Variants in STK32B observed in about 807,000 individuals in gnomAD.
The protein encoded by STK32B is serine/threonine-protein kinase 32B.
In STK32B, 43 loss-of-function variants were observed where a neutral mutation model predicts 52.6. That is an observed-to-expected ratio of 0.82 (90% CI 0.64 to 1.05). STK32B has a LOEUF of 1.05. Ranked by LOEUF, STK32B falls within the 50% of genes least tolerant of loss-of-function variation. The pLI is 0.00. For synonymous variants in STK32B, 238 were observed against 204.3 expected (o/e 1.17, Z -1.41); for missense variants, 621 against 534.6 (o/e 1.16, Z -1.59).
chr4:5,345,015 TG>T (rs1370002748), intron 4 of STK32B, among the ~76,000 whole-genome samples: 4 of 151,516 alleles, frequency 2.6e-5, no homozygotes, highest in Non-Finnish European at 5.9e-5. Context: ...CACTCCAGCC[TG>T]GGTGACAGTT....
chr4:5,095,451 T>C (rs4689984), intron 1 of STK32B, among the ~76,000 whole-genome samples: 62,568 of 151,930 alleles, frequency 0.41, 13,090 homozygotes, highest in Middle Eastern at 0.47. Flanking sequence ...TCTGCCTCTA[T>C]TAAAACTATA....
intron 4 of STK32B, among the ~76,000 whole-genome samples, chr4:5,369,195 T>A (rs558989944): frequency 6.6e-6 from 1 of 151,890 alleles, no homozygotes; most frequent in South Asian, 2.1e-4. Flanking sequence ...ATTGGAGATA[T>A]GAGGCCCAGA....
intron 1 of STK32B, among the ~76,000 whole-genome samples, chr4:5,094,206 A>C (rs1392489541): frequency 6.6e-6 from 1 of 152,226 alleles, no homozygotes; most frequent in African/African-American, 2.4e-5. Flanking sequence ...AACTTAAAGC[A>C]AAAGGAAGGC....
chr4:5,147,136 G>T (rs1162529645), intron 2 of STK32B, among the ~76,000 whole-genome samples: 2 of 151,734 alleles, frequency 1.3e-5, no homozygotes, highest in African/African-American at 4.8e-5. Context: ...GCCCTTTTTT[G>T]CACTAATGTT....
chr4:5,050,611 C>T (rs575485838), upstream of STK32B, among the ~76,000 whole-genome samples: 1 of 152,180 alleles, frequency 6.6e-6, no homozygotes, highest in Admixed American at 6.5e-5. Context: ...TTCCAGGCGC[C>T]CAGCAGATGG....
At chr4:5,299,080 T>G (rs1030961047) in intron 3 of STK32B, among the ~76,000 whole-genome samples, 3 of 151,896 alleles carry the variant, frequency 2.0e-5, no homozygotes, top group African/African-American at 7.3e-5. Context: ...GCTTCCTGGG[T>G]GAGGCAACAT....
At chr4:5,382,815 C>T (rs1736016679) in intron 4 of STK32B, among the ~76,000 whole-genome samples, 1 of 152,174 alleles carries the variant, frequency 6.6e-6, no homozygotes, top group Non-Finnish European at 1.5e-5. Context: ...TCACAACAGC[C>T]GTTACAGACA....
At chr4:5,075,088 C>T (rs1165452633) in intron 1 of STK32B, among the ~76,000 whole-genome samples, 1 of 152,086 alleles carries the variant, frequency 6.6e-6, no homozygotes, top group Non-Finnish European at 1.5e-5. Context: ...TTCAGGGGAG[C>T]TTGTATGCAC....
At chr4:5,037,128 A>T in the STK32B span, among the ~76,000 whole-genome samples, 3 of 152,128 alleles carry the variant, frequency 2.0e-5, no homozygotes, top group African/African-American at 7.2e-5. Context: ...TGTCTAGTGC[A>T]CTGTAGGATG....
chr4:5,313,837 A>G (rs879640696), intron 3 of STK32B, among the ~76,000 whole-genome samples: 2 of 152,212 alleles, frequency 1.3e-5, no homozygotes, highest in Non-Finnish European at 2.9e-5. Context: ...TCCCATTTAC[A>G]GTCATTCCAT....
intron 1 of STK32B, among the ~76,000 whole-genome samples, chr4:5,069,698 C>G (rs146887696): frequency 4.6e-5 from 7 of 152,070 alleles, no homozygotes; most frequent in African/African-American, 1.7e-4. Flanking sequence ...AGTTAATGTA[C>G]GTAAAGTGCT....
In STK32B at chr4:5,321,124, C is replaced by G. The variant is rs141898528; in HGVS notation, c.261-10096C>G. ...GGTTGGAGCAAAGCTGAGTGCGACT[C>G]TAGGCAAGTTACTCAGCTTCTCTGA... is the stretch of plus-strand genomic sequence containing the variant. On this transcript the variant is annotated intron_variant, in intron 3 of 11. Transcript: ENST00000282908. 3.0e-4 allele frequency among the ~76,000 whole-genome samples: 46 copies of G among 152,232 alleles called. No individual in the cohort carries two copies. In the South Asian group the frequency reaches 5.2e-3, roughly 17 times the overall value.
At chr4:5,335,214 A>T (rs1732572886) in intron 4 of STK32B, among the ~76,000 whole-genome samples, 1 of 152,098 alleles carries the variant, frequency 6.6e-6, no homozygotes, top group African/African-American at 2.4e-5. Context: ...GGGAGGGTGT[A>T]TGTGTCGAGG....
At chr4:5,049,092 C>T (rs1741670196), upstream of STK32B, among the ~76,000 whole-genome samples, 1 of 152,234 alleles carries the variant, frequency 6.6e-6, no homozygotes, top group African/African-American at 2.4e-5. Context: ...CTCTCTAGGC[C>T]TGGAGAACTT....
intron 3 of STK32B, among the ~76,000 whole-genome samples, chr4:5,304,877 G>C (rs28818586): frequency 0.12 from 17,947 of 151,922 alleles, 2,624 homozygotes; most frequent in African/African-American, 0.35. Context: ...TGCTGATTTT[G>C]TTGAGGTTTT....
At chr4:5,144,428 C>CT (rs1367029883) in intron 2 of STK32B, among the ~76,000 whole-genome samples, 3 of 152,112 alleles carry the variant, frequency 2.0e-5, no homozygotes, top group African/African-American at 2.4e-5. Context: ...GGAAGGGAGA[C>CT]TTTAACTGAA....
intron 1 of STK32B, among the ~76,000 whole-genome samples, chr4:5,055,892 A>G (rs935810837): frequency 4.0e-5 from 6 of 151,710 alleles, no homozygotes; most frequent in African/African-American, 1.5e-4. Flanking sequence ...AATTATCACC[A>G]TCTATCATAA....
chr4:5,267,208 T>C (rs1174541622), intron 3 of STK32B, among the ~76,000 whole-genome samples: 1 of 152,162 alleles, frequency 6.6e-6, no homozygotes, highest in Non-Finnish European at 1.5e-5. Flanking sequence ...CAGTGAGCAA[T>C]GGGTATTCAA....
At chr4:5,202,079 A>G (rs1722196187) in intron 3 of STK32B, among the ~76,000 whole-genome samples, 1 of 152,242 alleles carries the variant, frequency 6.6e-6, no homozygotes, top group Non-Finnish European at 1.5e-5. Flanking sequence ...CCTTCTGTCT[A>G]TGAGCCTGTA....
Sources: gnomAD v4.1 joint callset for allele counts (sites outside exome capture counted in the v4.1 genomes callset) on GRCh38, gnomAD v4.1.1 for gene constraint, MANE v1.5 for transcripts, NCBI Gene and HGNC (gene_info 2026-07-23, HGNC 2026-07-21) for gene names.